SNTG1: variants seen among roughly 807,000 people sequenced by gnomAD.
The protein encoded by SNTG1 is syntrophin gamma 1, also known as gamma-1-syntrophin.
SNTG1 carries 39 observed loss-of-function variants against 74.7 expected under a neutral mutation model. The observed-to-expected ratio is 0.52, with a 90% CI of 0.40 to 0.68. SNTG1 has a LOEUF of 0.68. Ranked by LOEUF, SNTG1 falls within the 30% of genes least tolerant of loss-of-function variation. The probability of loss-of-function intolerance (pLI) is 0.00; values close to 1 mark genes in which losing one functional copy is unlikely to be tolerated. For missense variants in SNTG1, 685 were observed against 609.5 expected (o/e 1.12, Z -1.30); for synonymous variants, 254 against 217.1 (o/e 1.17, Z -1.49).
At chr8:50,207,931 C>G (rs2131885734) in intron 2 of SNTG1, among the ~76,000 whole-genome samples, 1 of 152,230 alleles carries the variant, frequency 6.6e-6, no homozygotes, top group East Asian at 1.9e-4. Flanking sequence ...ATCTCAGAGA[C>G]AGTTTGTTAT....
intron 13 of SNTG1, among the ~76,000 whole-genome samples, chr8:50,632,868 A>T (rs1029419344): frequency 1.3e-5 from 2 of 152,186 alleles, no homozygotes; most frequent in African/African-American, 4.8e-5. Context: ...TGCCATAATT[A>T]ATAAAGGTCC....
In SNTG1 at chr8:50,452,138, C is replaced by G. The variant is rs115892982; in HGVS notation, c.363+1409C>G. Among the ~76,000 whole-genome samples, 214 of 152,256 alleles carry G rather than the reference C, an allele frequency of 1.4e-3. 1 individual carries two copies. Among genetic ancestry groups the G allele is most frequent in the African/African-American group, 5.0e-3 (206 of 41,554 alleles). ...ACGAAGGAGGGTTTTTAATTAGGAACACTTGGCATAACTAATCAAGGTTTT... is the reference window on the plus strand; with the variant it reads ...ACGAAGGAGGGTTTTTAATTAGGAAGACTTGGCATAACTAATCAAGGTTTT... On this transcript the variant is annotated intron_variant, in intron 8 of 18. Coordinates refer to ENST00000642720, the MANE Select transcript of SNTG1 (RefSeq NM_018967.5).
At chr8:50,622,990 T>C (rs564872510) in intron 13 of SNTG1, among the ~76,000 whole-genome samples, 18 of 152,234 alleles carry the variant, frequency 1.2e-4, no homozygotes, top group African/African-American at 4.3e-4. Flanking sequence ...TGCACAGAAA[T>C]GCGACTGACT....
At chr8:50,753,076 T>G (rs1014980289) in intron 18 of SNTG1, among the ~76,000 whole-genome samples, 1 of 151,992 alleles carries the variant, frequency 6.6e-6, no homozygotes, top group African/African-American at 2.4e-5. Flanking sequence ...CCTCACTTTG[T>G]CTCCCATCAG....
At chr8:50,175,639 T>C (rs921744314) in intron 2 of SNTG1, among the ~76,000 whole-genome samples, 1 of 152,174 alleles carries the variant, frequency 6.6e-6, no homozygotes, top group Non-Finnish European at 1.5e-5. Flanking sequence ...CAAAGTATCA[T>C]GCACAGTAAA....
intron 8 of SNTG1, among the ~76,000 whole-genome samples, chr8:50,462,798 T>C (rs1034265817): frequency 2.0e-4 from 2 of 9,782 alleles, no homozygotes; most frequent in African/African-American, 5.0e-4. Context: ...GTTCTACTCT[T>C]TTTTTTTTTT....
At chr8:50,600,597 A>C (rs2094765564) in intron 13 of SNTG1, among the ~76,000 whole-genome samples, 1 of 152,162 alleles carries the variant, frequency 6.6e-6, no homozygotes, top group South Asian at 2.1e-4. Context: ...CATAATAGCA[A>C]ATATATAAAT....
At chr8:50,011,833 A>G (rs1208693296) in intron 1 of SNTG1, 1 of 152,224 alleles carries the variant, frequency 6.6e-6, no homozygotes, top group African/African-American at 2.4e-5. Flanking sequence ...CAATGAATAC[A>G]GAGACAGCAG....
intron 2 of SNTG1, among the ~76,000 whole-genome samples, chr8:50,367,600 C>T (rs889097009): frequency 6.6e-6 from 1 of 152,066 alleles, no homozygotes; most frequent in African/African-American, 2.4e-5. Context: ...ACTGATTATA[C>T]TAATGTAGAA....
At chr8:50,570,588 GTTGTTATTATTA>G (rs2094543510) in intron 12 of SNTG1, among the ~76,000 whole-genome samples, 4 of 86,876 alleles carry the variant, frequency 4.6e-5, no homozygotes, top group African/African-American at 1.3e-4. Flanking sequence ...TATTATTATT[GTTGTTATTATTA>G]TTATTATTAT....
chr8:49,971,054 G>A (rs1245387937), intron 1 of SNTG1, among the ~76,000 whole-genome samples: 1 of 152,162 alleles, frequency 6.6e-6, no homozygotes, highest in Non-Finnish European at 1.5e-5. Context: ...AAGCCTGGCA[G>A]AGACACAACC....
At chr8:50,034,785 T>C (rs928304176) in intron 1 of SNTG1, among the ~76,000 whole-genome samples, 3 of 152,230 alleles carry the variant, frequency 2.0e-5, no homozygotes, top group African/African-American at 7.2e-5. Context: ...TTGGGCTACA[T>C]TGAAAGCTGT....
At chr8:49,947,937 C>T (rs959274255) in intron 1 of SNTG1, among the ~76,000 whole-genome samples, 7 of 152,034 alleles carry the variant, frequency 4.6e-5, no homozygotes, top group African/African-American at 1.7e-4. Flanking sequence ...TCGAGAACAG[C>T]CTGGCCAACA....
chr8:50,036,503 T>C (rs1352121909), intron 1 of SNTG1, among the ~76,000 whole-genome samples: 2 of 152,170 alleles, frequency 1.3e-5, no homozygotes, highest in Non-Finnish European at 2.9e-5. Context: ...AAATAGTTTT[T>C]CTATCATCAT....
At chr8:50,620,319 A>G (rs761271456) in intron 13 of SNTG1, among the ~76,000 whole-genome samples, 1 of 152,060 alleles carries the variant, frequency 6.6e-6, no homozygotes, top group South Asian at 2.1e-4. Flanking sequence ...TCTCTGATGG[A>G]TTCTTCTGCT....
At chr8:49,938,984 C>T (rs915440534) in intron 1 of SNTG1, among the ~76,000 whole-genome samples, 3 of 151,918 alleles carry the variant, frequency 2.0e-5, no homozygotes, top group Non-Finnish European at 4.4e-5. Context: ...GAGATGGATT[C>T]TTAGGTTATT....
At chr8:50,672,493 G>A (rs1312276659) in intron 15 of SNTG1, among the ~76,000 whole-genome samples, 1 of 151,780 alleles carries the variant, frequency 6.6e-6, no homozygotes, top group Non-Finnish European at 1.5e-5. Context: ...CTCTTGAGAA[G>A]TGCCTGTTCA....
At chr8:50,350,686 C>T (rs1032056232) in intron 2 of SNTG1, among the ~76,000 whole-genome samples, 2 of 152,318 alleles carry the variant, frequency 1.3e-5, no homozygotes, top group South Asian at 4.1e-4. Flanking sequence ...ATGCACCAAT[C>T]CACACTCTGT....
At chr8:50,245,251 G>A (rs1291043719) in intron 2 of SNTG1, among the ~76,000 whole-genome samples, 2 of 152,134 alleles carry the variant, frequency 1.3e-5, no homozygotes, top group African/African-American at 2.4e-5. Flanking sequence ...CACTGATCTG[G>A]AGTTTTCAGT....
Sources: gnomAD v4.1 joint callset for allele counts (sites outside exome capture counted in the v4.1 genomes callset) on GRCh38, gnomAD v4.1.1 for gene constraint, MANE v1.5 for transcripts, NCBI Gene and HGNC (gene_info 2026-07-23, HGNC 2026-07-21) for gene names.